The following RAB22A variants were observed in gnomAD, a reference collection of about 807,000 sequenced individuals.
RAB22A encodes RAB22A, member RAS oncogene family.
RAB22A carries 13 observed loss-of-function variants against 30.2 expected under a neutral mutation model. The observed-to-expected ratio is 0.43, with a 90% confidence interval of 0.28 to 0.68. RAB22A has a LOEUF of 0.68. RAB22A is among the 30% of genes least tolerant of loss of function. The pLI is 0.18. For missense variants in RAB22A, 177 were observed against 246.8 expected, an observed-to-expected ratio of 0.72 and a Z score of 1.89; for synonymous variants, 89 against 87.2, an observed-to-expected ratio of 1.02 and a Z score of -0.11.
intron 3 of RAB22A, among the ~76,000 whole-genome samples, chr20:58,350,423 A>C (rs1203495439): frequency 6.6e-6 from 1 of 152,242 alleles, no homozygotes; most frequent in African/African-American, 2.4e-5. Context: ...AATTTAGTGA[A>C]ACATAACTCA....
Position 58,365,254 on chromosome 20 carries a change from C to A in RAB22A, c.*5551C>A, listed in dbSNP as rs1287471244. The A allele has an allele frequency of 1.3e-5, 2 of 152,148 alleles. No individual in the cohort carries two copies. Among genetic ancestry groups the A allele is most frequent in the African/African-American group, 4.8e-5 (2 of 41,422 alleles). 9.4% of individuals were successfully genotyped at this position (152,148 alleles called of 1,614,324 possible). ...GCCAAAATTGAAATTGTCAAGGAAA[C>A]CCCTCAGCATCTAACGTCATCTTGT... On this transcript the variant is annotated 3_prime_UTR_variant, in exon 7 of 7. Transcript: ENST00000244040.
Position 58,366,848 on chromosome 20 carries a change from G to A in RAB22A, c.*7145G>A, listed in dbSNP as rs1987328508. 1 of 152,362 alleles carries A rather than the reference G, an allele frequency of 6.6e-6. No homozygotes were observed. The highest frequency in any genetic ancestry group is 1.5e-5 in the Non-Finnish European group (1 of 68,022). The allele number at this position is 152,362 out of a possible 1,614,324, so 9.4% of individuals were successfully genotyped here. A position where few individuals can be genotyped will look rare whatever the true frequency, so the allele number is the denominator to read the frequency against. ...TCGCTGAATTTGTAATAAAGCATTT[G>A]TTAAGCGTGTAAAAGTCCAAATTAA... On this transcript the variant is annotated 3_prime_UTR_variant, in exon 7 of 7. Coordinates refer to ENST00000244040, the MANE Select transcript of RAB22A (RefSeq NM_020673.3).
rs141661785 is a variant in RAB22A at position 58,328,535 on chromosome 20, A to T, written c.117-15183A>T. ...AAGTTGGAGATTATTTCAAATTTTT[A>T]AAATGATGGCTATTTTACTGTATTT... On this transcript the variant is annotated intron_variant, in intron 2 of 6. Transcript: ENST00000244040. Among the ~76,000 whole-genome samples the T allele has an allele frequency of 1.9e-3, 294 of 152,286 alleles. 4 individuals are homozygous for T. The highest frequency in any genetic ancestry group is 1.4e-3 in the Non-Finnish European group (98 of 68,024).
chr20:58,329,564 A>G (rs1341602584), intron 2 of RAB22A, among the ~76,000 whole-genome samples: 1 of 152,008 alleles, frequency 6.6e-6, no homozygotes, highest in African/African-American at 2.4e-5. Flanking sequence ...TCAGTAATTT[A>G]CTTTAATATG....
intron 2 of RAB22A, among the ~76,000 whole-genome samples, chr20:58,320,994 A>G (rs1158133005): frequency 3.3e-5 from 5 of 152,074 alleles, no homozygotes. Flanking sequence ...GATCGAGACC[A>G]TCCTGGCCAA....
At chr20:58,349,623 G>A (rs567281318) in intron 3 of RAB22A, among the ~76,000 whole-genome samples, 1 of 152,320 alleles carries the variant, frequency 6.6e-6, no homozygotes, top group Admixed American at 6.5e-5. Context: ...ATCCTGCTGT[G>A]TTACAGGGGA....
At chr20:58,351,706 G>A (rs983628394) in intron 3 of RAB22A, among the ~76,000 whole-genome samples, 1 of 152,186 alleles carries the variant, frequency 6.6e-6, no homozygotes, top group Non-Finnish European at 1.5e-5. Context: ...CCAACTGCTA[G>A]GGAGGCTGAG....
At chr20:58,351,353 ATG>A (rs1987046372) in intron 3 of RAB22A, among the ~76,000 whole-genome samples, 1 of 152,072 alleles carries the variant, frequency 6.6e-6, no homozygotes, top group Non-Finnish European at 1.5e-5. Flanking sequence ...AAAAAGAAAA[ATG>A]TGCAGTATAT....
At chr20:58,314,569 G>A (rs574544054) in intron 2 of RAB22A, among the ~76,000 whole-genome samples, 2 of 152,190 alleles carry the variant, frequency 1.3e-5, no homozygotes, top group Admixed American at 6.5e-5. Flanking sequence ...GGCTGTGCAC[G>A]GTGGCTCACA....
chr20:58,319,092 TAC>T (rs1209984359), intron 2 of RAB22A, among the ~76,000 whole-genome samples: 2 of 152,084 alleles, frequency 1.3e-5, no homozygotes. Flanking sequence ...GGAATTAGTA[TAC>T]ACACACACAT....
chr20:58,354,898 G>A (rs1387106384), intron 6 of RAB22A, among the ~76,000 whole-genome samples: 1 of 152,158 alleles, frequency 6.6e-6, no homozygotes, highest in Non-Finnish European at 1.5e-5. Context: ...TCTACAGAGG[G>A]AAACAGACAG....
chr20:58,323,267 T>C (rs1806254693), intron 2 of RAB22A, among the ~76,000 whole-genome samples: 1 of 152,200 alleles, frequency 6.6e-6, no homozygotes, highest in South Asian at 2.1e-4. Context: ...ATTTTCATTT[T>C]CTTTTTATTT....
chr20:58,322,804 A>G (rs1161772456), intron 2 of RAB22A, among the ~76,000 whole-genome samples: 1 of 147,708 alleles, frequency 6.8e-6, no homozygotes, highest in African/African-American at 2.6e-5. Context: ...TTTGCATTAA[A>G]TGACCTTTCA....
chr20:58,335,017 AAT>A (rs1444127224), intron 2 of RAB22A, among the ~76,000 whole-genome samples: 16 of 152,336 alleles, frequency 1.1e-4, no homozygotes, highest in Middle Eastern at 3.4e-3. Flanking sequence ...AAACAACTTA[AAT>A]CTCTCAACAT....
chr20:58,327,423 G>C (rs1986587012), intron 2 of RAB22A, among the ~76,000 whole-genome samples: 1 of 152,206 alleles, frequency 6.6e-6, no homozygotes, highest in Admixed American at 6.5e-5. Context: ...TTCCAGCAAG[G>C]CTCACTCACA....
chr20:58,359,415 T>C (rs999937216), intron 6 of RAB22A, among the ~76,000 whole-genome samples, 191 bp from the exon 7 acceptor site: 1 of 151,898 alleles, frequency 6.6e-6, no homozygotes. Flanking sequence ...GGAAACTGGG[T>C]GGGAGGTACA....
chr20:58,345,767 C>T (rs770660334), intron 3 of RAB22A: 3 of 152,260 alleles, frequency 2.0e-5, no homozygotes, highest in Non-Finnish European at 4.4e-5. Flanking sequence ...GCCCGTTTAT[C>T]CTGGGCAGTG....
rs773591424 is a variant in RAB22A at position 58,353,262 on chromosome 20, C to T, written c.199-11C>T. 8 of 1,611,562 alleles carry T rather than the reference C, an allele frequency of 5.0e-6. No individual in the cohort carries two copies. In the South Asian group the frequency reaches 7.8e-5, roughly 16 times the overall value. ...TTCCCAATTTTGTTTATTTTTCCCC[C>T]TCCTCTGCAGTTTCGTGCCTTAGCA... On this transcript the variant is annotated splice_polypyrimidine_tract_variant and intron_variant, in intron 3 of 6. Coordinates refer to ENST00000244040, the MANE Select transcript of RAB22A (RefSeq NM_020673.3).
rs775803663 is a variant in RAB22A, at chr20:58,311,050, G to A, written c.44G>A (p.Gly15Asp). ...ELKVCLLGDTGVGKSSIVWRF... is the reference protein window; with the variant it reads ...ELKVCLLGDTDVGKSSIVWRF... Reference sequence around the variant, plus strand: ...CATCTCGTTCTCTTTCAGGATACAGGTGTAGGTAAATCGAGTATTGTGTGG... The same window carrying A: ...CATCTCGTTCTCTTTCAGGATACAGATGTAGGTAAATCGAGTATTGTGTGG... The change falls in exon 2 of 7, where the codon GGT (glycine) becomes GAT (aspartate). Residue 15 changes from glycine (G) to aspartate (D), a missense_variant. Physicochemically the swap from Gly to Asp is moderately conservative, Grantham distance 94. Coordinates refer to ENST00000244040, the MANE Select transcript of RAB22A (RefSeq NM_020673.3). 6.2e-7 allele frequency: 1 copy of A among 1,601,974 alleles called. No individual in the cohort carries two copies. The highest frequency in any genetic ancestry group is 8.6e-7 in the Non-Finnish European group (1 of 1,169,066).
Sources: gnomAD v4.1 joint callset for allele counts (sites outside exome capture counted in the v4.1 genomes callset) on GRCh38, gnomAD v4.1.1 for gene constraint, MANE v1.5 for transcripts, NCBI Gene and HGNC (gene_info 2026-07-23, HGNC 2026-07-21) for gene names.